AK7: variants seen among roughly 807,000 people sequenced by gnomAD.
The protein encoded by AK7 is adenylate kinase 7.
In AK7, 78 loss-of-function variants were observed where a neutral mutation model predicts 96.6. That is an observed-to-expected ratio of 0.81 (90% CI 0.67 to 0.97). The LOEUF (loss-of-function observed/expected upper bound fraction) is 0.97, where lower values mean the gene tolerates loss of function less well. AK7 is among the 50% of genes least tolerant of loss of function. The pLI is 0.00. For missense variants in AK7, 855 were observed against 887.9 expected, an observed-to-expected ratio of 0.96 and a Z score of 0.47; for synonymous variants, 302 against 317.2, an observed-to-expected ratio of 0.95 and a Z score of 0.51.
intron 9 of AK7, 128 bp downstream of exon 9, chr14:96,450,007 G>A (rs1893497841): frequency 1.4e-6 from 1 of 713,256 alleles, no homozygotes; most frequent in South Asian, 2.0e-5. Context: ...GAGTCAGAAG[G>A]CCTGGGTTCC....
intron 4 of AK7, among the ~76,000 whole-genome samples, chr14:96,410,786 T>G (rs1890985824): frequency 6.6e-6 from 1 of 152,200 alleles, no homozygotes; most frequent in Non-Finnish European, 1.5e-5. Context: ...GAGGATTGCT[T>G]GAGCTCAGGA....
chr14:96,462,092 T>G (rs1374035690), intron 12 of AK7, among the ~76,000 whole-genome samples: 1 of 152,156 alleles, frequency 6.6e-6, no homozygotes, highest in Non-Finnish European at 1.5e-5. Context: ...GTCCTCTCAC[T>G]CTGTTCTTCC....
rs569750880 is a variant in AK7, at chr14:96,462,566, C to T, written c.1357+4354C>T. Among the ~76,000 whole-genome samples the T allele has an allele frequency of 7.2e-5, 11 of 152,306 alleles. 1 individual carries two copies. The South Asian group carries it at 2.3e-3, about 32-fold the overall frequency. On this transcript the variant is annotated intron_variant, in intron 12 of 17. Transcript: ENST00000267584. ...GTGCAGCAAAATAAGGGCTTTGTTACACCATAGAGTGTGCTAATTACAGAT... is the reference window on the plus strand; with the variant it reads ...GTGCAGCAAAATAAGGGCTTTGTTATACCATAGAGTGTGCTAATTACAGAT...
chr14:96,414,838 C>T (rs1360854450), intron 4 of AK7, among the ~76,000 whole-genome samples: 2 of 149,644 alleles, frequency 1.3e-5, no homozygotes, highest in African/African-American at 2.5e-5. Flanking sequence ...CTGCAACCTC[C>T]ACCTCCTGGG....
chr14:96,463,059 C>A (rs1254448638), intron 12 of AK7, among the ~76,000 whole-genome samples: 1 of 151,946 alleles, frequency 6.6e-6, no homozygotes, highest in Non-Finnish European at 1.5e-5. Context: ...ATCGCTTGAA[C>A]CCTAGAGGCA....
intron 16 of AK7, among the ~76,000 whole-genome samples, chr14:96,484,936 A>C (rs1895690887): frequency 6.6e-6 from 1 of 152,210 alleles, no homozygotes; most frequent in Admixed American, 6.5e-5. Context: ...GAAGGAAGAA[A>C]GGAGGGATGG....
chr14:96,468,329 T>C (rs1301157025), intron 12 of AK7, among the ~76,000 whole-genome samples: 2 of 137,156 alleles, frequency 1.5e-5, no homozygotes, highest in Admixed American at 7.6e-5. Context: ...TGAGAAGGAG[T>C]TTCACTCTGT....
intron 15 of AK7, among the ~76,000 whole-genome samples, chr14:96,479,120 A>G (rs1895363546): frequency 6.6e-6 from 1 of 151,622 alleles, no homozygotes; most frequent in Non-Finnish European, 1.5e-5. Flanking sequence ...TCTATTGCCC[A>G]GGCTGGAGTG....
At position 96,398,135 on chromosome 14, in the gene AK7, G is replaced by GAAGAGT; in HGVS notation, c.170_171insGTAAGA (p.Glu56_Asp57insGluTer). 1 of 1,614,010 alleles carries GAAGAGT rather than the reference G, an allele frequency of 6.2e-7. No homozygotes were observed. Among genetic ancestry groups the GAAGAGT allele is most frequent in the Middle Eastern group, 1.7e-4 (1 of 6,056 alleles). ...AGAAATTACAGAGGAAGAGGAAGAG[G>GAAGAGT]AAGATGAAAATAAGTCAGCTATGCT... On this transcript the variant is annotated stop_gained and inframe_insertion, in exon 2 of 18. Coordinates refer to ENST00000267584, the MANE Select transcript of AK7 (RefSeq NM_152327.5). LOFTEE classifies it high-confidence loss of function.
Position 96,446,506 on chromosome 14 carries a change from T to TG in AK7, c.780-8dup. On this transcript the variant is annotated splice_polypyrimidine_tract_variant and intron_variant, in intron 7 of 17. Transcript: ENST00000267584. Reference sequence around the variant, plus strand: ...TTCCCTTTGATGATTATTTTACCTGTGGGTCTGCAGAGTGATACAAAACGT... The same window carrying TG: ...TTCCCTTTGATGATTATTTTACCTGTGGGGTCTGCAGAGTGATACAAAACGT... 6.2e-7 allele frequency: 1 copy of TG among 1,612,350 alleles called. No individual in the cohort carries two copies. The highest frequency in any genetic ancestry group is 8.5e-7 in the Non-Finnish European group (1 of 1,178,370).
At chr14:96,424,009 T>A in intron 5 of AK7, 1 of 798,050 alleles carries the variant, frequency 1.3e-6, no homozygotes, top group Non-Finnish European at 2.2e-6. Context: ...AGCATCCGGG[T>A]CTGTCAAGAC....
intron 1 of AK7, among the ~76,000 whole-genome samples, chr14:96,395,498 A>C (rs1890014878): frequency 6.6e-6 from 1 of 152,004 alleles, no homozygotes; most frequent in Non-Finnish European, 1.5e-5. Context: ...GGTGTTGTTC[A>C]AGGGTCACCT....
chr14:96,395,900 C>T (rs1471938326), intron 1 of AK7, among the ~76,000 whole-genome samples: 1 of 145,290 alleles, frequency 6.9e-6, no homozygotes, highest in Non-Finnish European at 1.5e-5. Context: ...CAACTTCCAC[C>T]TCCTGGGTTC....
intron 2 of AK7, 127 bp downstream of exon 2, chr14:96,398,390 G>A (rs1004616082): frequency 1.3e-5 from 13 of 968,166 alleles, no homozygotes; most frequent in African/African-American, 4.9e-5. Flanking sequence ...CCAGGTTGAG[G>A]GAATGGCTTT....
intron 11 of AK7, chr14:96,456,924 TG>T (rs2140124513): frequency 5.0e-6 from 1 of 201,916 alleles, no homozygotes; most frequent in Non-Finnish European, 1.0e-5. Flanking sequence ...GTGGATGACG[TG>T]TGGATCTTCT....
At chr14:96,413,247 C>T (rs144168974) in intron 4 of AK7, among the ~76,000 whole-genome samples, 5 of 152,300 alleles carry the variant, frequency 3.3e-5, no homozygotes, top group Admixed American at 1.3e-4. Context: ...AGGCGAGCAT[C>T]GCAAAAGTGA....
intron 6 of AK7, among the ~76,000 whole-genome samples, chr14:96,441,739 A>C (rs1221636864): frequency 6.6e-6 from 1 of 151,488 alleles, no homozygotes; most frequent in Non-Finnish European, 1.5e-5. Context: ...CCTTTGGCTT[A>C]GTGATTTTGG....
At chr14:96,456,569 A>G in intron 11 of AK7, 94 bp downstream of exon 11, 2 of 1,452,498 alleles carry the variant, frequency 1.4e-6, no homozygotes, top group South Asian at 2.6e-5. Flanking sequence ...AGCCAGCTGG[A>G]TGCAGTTTAG....
chr14:96,431,095 C>T (rs1366908432), intron 5 of AK7, among the ~76,000 whole-genome samples: 2 of 152,020 alleles, frequency 1.3e-5, no homozygotes, highest in African/African-American at 2.4e-5. Flanking sequence ...TTTGTGGGAT[C>T]GGTGGCAATA....
Sources: allele counts gnomAD v4.1 joint callset (sites outside exome capture counted in the v4.1 genomes callset), GRCh38; gene constraint gnomAD v4.1.1; transcripts MANE v1.5; gene names NCBI Gene and HGNC (gene_info 2026-07-23, HGNC 2026-07-21).